The following KIAA1217 variants were observed in gnomAD, a reference collection of about 807,000 sequenced individuals.
KIAA1217 encodes sickle tail protein homolog.
A neutral mutation model predicts 163.9 loss-of-function variants in KIAA1217; 88 were observed. The ratio of observed to expected loss-of-function variants is 0.54; its 90% CI spans 0.45 to 0.64. The LOEUF is 0.64. Ranked by LOEUF, KIAA1217 falls within the 30% of genes least tolerant of loss-of-function variation. The pLI, the probability that KIAA1217 is intolerant of heterozygous loss-of-function variation, is 0.00. For synonymous variants in KIAA1217, 903 were observed against 923.1 expected (o/e 0.98, Z 0.39); for missense variants, 2,372 against 2,475.0 (o/e 0.96, Z 0.88).
chr10:24,387,173 G>A (rs1026574080), intron 3 of KIAA1217, among the ~76,000 whole-genome samples: 1 of 152,140 alleles, frequency 6.6e-6, no homozygotes, highest in Non-Finnish European at 1.5e-5. Flanking sequence ...CTGGCAAACT[G>A]AATCCAGCAG....
At chr10:23,944,096 G>A (rs556928845) in intron 1 of KIAA1217, among the ~76,000 whole-genome samples, 1 of 152,140 alleles carries the variant, frequency 6.6e-6, no homozygotes, top group Non-Finnish European at 1.5e-5. Context: ...TACCAAAATT[G>A]AGAACTTCTC....
intron 1 of KIAA1217, among the ~76,000 whole-genome samples, chr10:24,210,607 G>T (rs2067958993): frequency 6.6e-6 from 1 of 152,092 alleles, no homozygotes; most frequent in Non-Finnish European, 1.5e-5. Flanking sequence ...CAACAATCAG[G>T]GCAATTCAGA....
intron 2 of KIAA1217, among the ~76,000 whole-genome samples, chr10:24,057,815 A>G (rs906682713): frequency 1.3e-5 from 2 of 152,132 alleles, no homozygotes; most frequent in African/African-American, 2.4e-5. Context: ...TCCCAGCTAT[A>G]TGGGATTCAC....
intron 1 of KIAA1217, among the ~76,000 whole-genome samples, chr10:23,962,125 C>T (rs761777289): frequency 6.6e-6 from 1 of 152,170 alleles, no homozygotes; most frequent in Non-Finnish European, 1.5e-5. Context: ...GCCGTCTGGC[C>T]GTGCAGGCTG....
chr10:24,235,859 TA>T (rs2072175988), intron 2 of KIAA1217, among the ~76,000 whole-genome samples: 1 of 152,198 alleles, frequency 6.6e-6, no homozygotes, highest in Non-Finnish European at 1.5e-5. Flanking sequence ...GCTCATCTAC[TA>T]AATAAATCCT....
intron 1 of KIAA1217, among the ~76,000 whole-genome samples, chr10:24,210,167 TATGCAC>T (rs2067888875): frequency 6.6e-6 from 1 of 151,928 alleles, no homozygotes; most frequent in African/African-American, 2.4e-5. Context: ...GAGTAGGGAT[TATGCAC>T]AGGGGAAAAG....
chr10:24,098,657 T>A lies in KIAA1217; in HGVS notation c.-171+91283T>A, dbSNP rs576320981. Among the ~76,000 whole-genome samples the A allele has an allele frequency of 3.3e-5, 5 of 152,024 alleles. No homozygotes were observed. In the East Asian group the frequency reaches 9.7e-4, roughly 29 times the overall value. ...GATTTAAGGTAAATTTCATAGGCTGTTAGTCTGCTCAGACTATCTGACTAT... is the reference window on the plus strand; with the variant it reads ...GATTTAAGGTAAATTTCATAGGCTGATAGTCTGCTCAGACTATCTGACTAT... On this transcript the variant is annotated intron_variant, in intron 2 of 18. Coordinates refer to the KIAA1217 transcript ENST00000376462.
At chr10:24,402,522 A>C (rs1359575753) in intron 3 of KIAA1217, among the ~76,000 whole-genome samples, 1,432 of 78,998 alleles carry the variant, frequency 0.018, 45 homozygotes, top group African/African-American at 0.064. Context: ...AAAACAAAAA[A>C]CAAAACAAAA....
intron 2 of KIAA1217, among the ~76,000 whole-genome samples, chr10:24,313,825 G>T (rs1399678392): frequency 6.7e-6 from 1 of 150,200 alleles, no homozygotes; most frequent in Non-Finnish European, 1.5e-5. Context: ...CATGGTTTTG[G>T]TGAACATCCA....
intron 1 of KIAA1217, among the ~76,000 whole-genome samples, chr10:23,941,649 C>A (rs1843773286): frequency 1.3e-5 from 2 of 152,094 alleles, no homozygotes; most frequent in Non-Finnish European, 1.5e-5. Flanking sequence ...AAAAAATCCC[C>A]TAAGAATTTT....
chr10:24,430,734 C>T (rs577829541), intron 3 of KIAA1217, among the ~76,000 whole-genome samples: 1 of 152,140 alleles, frequency 6.6e-6, no homozygotes, highest in Admixed American at 6.5e-5. Flanking sequence ...GGTTCACGCT[C>T]CTATGAGAAT....
intron 1 of KIAA1217, among the ~76,000 whole-genome samples, chr10:23,732,334 A>G (rs568589035): frequency 1.3e-5 from 2 of 152,254 alleles, no homozygotes; most frequent in Admixed American, 1.3e-4. Flanking sequence ...CCAACCATTG[A>G]TCAAAAATGT....
chr10:23,850,058 T>C (rs1325781806), intron 1 of KIAA1217, among the ~76,000 whole-genome samples: 3 of 152,114 alleles, frequency 2.0e-5, no homozygotes, highest in Non-Finnish European at 2.9e-5. Context: ...AATTGGACTT[T>C]GGAAAATAAG....
chr10:24,520,677 C>T (rs1256257266), intron 11 of KIAA1217, among the ~76,000 whole-genome samples: 39 of 66,928 alleles, frequency 5.8e-4, no homozygotes, highest in African/African-American at 1.6e-3. Flanking sequence ...TATATATATA[C>T]ACACACACAC....
intron 6 of KIAA1217, among the ~76,000 whole-genome samples, chr10:24,485,052 T>A (rs145156656): frequency 6.7e-6 from 1 of 150,366 alleles, no homozygotes; most frequent in African/African-American, 2.4e-5. Flanking sequence ...CAGGCCTGGG[T>A]GGGACTGAGC....
At chr10:24,185,515 C>A (rs2066383743) in intron 2 of KIAA1217, among the ~76,000 whole-genome samples, 1 of 152,308 alleles carries the variant, frequency 6.6e-6, no homozygotes, top group South Asian at 2.1e-4. Context: ...CAACTCTTGG[C>A]CAGGTATGGT....
intron 2 of KIAA1217, among the ~76,000 whole-genome samples, chr10:24,179,676 C>T (rs945535988): frequency 6.6e-6 from 1 of 152,160 alleles, no homozygotes; most frequent in Non-Finnish European, 1.5e-5. Context: ...GCAACTTCCA[C>T]CTCCCGGGTT....
chr10:24,327,154 A>G lies in KIAA1217; in HGVS notation c.355-53715A>G, dbSNP rs1166566439. On this transcript the variant is annotated intron_variant, in intron 2 of 20. Coordinates refer to ENST00000376454, the MANE Select transcript of KIAA1217 (RefSeq NM_019590.5). Reference sequence around the variant, plus strand: ...GCAGTCTTCTAAATTGGTATTGCTTATCCTTTGTTGAGAACTAGTTTGGGT... The same window carrying G: ...GCAGTCTTCTAAATTGGTATTGCTTGTCCTTTGTTGAGAACTAGTTTGGGT... Among the ~76,000 whole-genome samples, 13 of 152,358 alleles carry G rather than the reference A, an allele frequency of 8.5e-5. No homozygotes were observed. The South Asian group carries it at 2.5e-3, about 29-fold the overall frequency.
At chr10:24,287,598 A>G (rs1293132174) in intron 2 of KIAA1217, among the ~76,000 whole-genome samples, 4 of 152,226 alleles carry the variant, frequency 2.6e-5, no homozygotes, top group Non-Finnish European at 4.4e-5. Context: ...TCTCAACTCT[A>G]TCACTTCCTG....
Sources: allele counts gnomAD v4.1 joint callset (sites outside exome capture counted in the v4.1 genomes callset), GRCh38; gene constraint gnomAD v4.1.1; transcripts MANE v1.5; gene names NCBI Gene and HGNC (gene_info 2026-07-23, HGNC 2026-07-21).